TNFSF13B: variants seen among roughly 807,000 people sequenced by gnomAD.
The protein encoded by TNFSF13B is tumor necrosis factor ligand superfamily member 13B.
Under a neutral mutation model 29.1 loss-of-function variants are expected in TNFSF13B, and 8 were observed. The ratio of observed to expected loss-of-function variants is 0.27; its 90% confidence interval spans 0.16 to 0.50. The LOEUF is 0.50. Ranked by LOEUF, TNFSF13B falls within the 20% of genes least tolerant of loss-of-function variation. The pLI is 0.98. For missense variants in TNFSF13B, 248 were observed against 334.9 expected (o/e 0.74, Z 2.03); for synonymous variants, 125 against 130.8 (o/e 0.96, Z 0.30).
chr13:108,305,497 G>C (rs1289809326), intron 5 of TNFSF13B, among the ~76,000 whole-genome samples: 1 of 152,134 alleles, frequency 6.6e-6, no homozygotes, highest in African/African-American at 2.4e-5. Flanking sequence ...AATCCTTAGA[G>C]TTAATATTAC....
At chr13:108,273,027 C>T (rs887146422) in intron 2 of TNFSF13B, among the ~76,000 whole-genome samples, 1 of 151,994 alleles carries the variant, frequency 6.6e-6, no homozygotes, top group South Asian at 2.1e-4. Flanking sequence ...GAATCTTTCA[C>T]CAAATAATTT....
At chr13:108,274,364 CAAAT>C (rs1880704794) in intron 2 of TNFSF13B, among the ~76,000 whole-genome samples, 1 of 62,462 alleles carries the variant, frequency 1.6e-5, no homozygotes, top group African/African-American at 4.7e-5. Context: ...TATACACATA[CAAAT>C]ATATATATAT....
Position 108,295,510 on chromosome 13 carries a change from C to A in TNFSF13B, c.482-7743C>A, listed in dbSNP as rs1380264528. ...CCAGTCCTTTTTGTACTCTTTATTC[C>A]ATCTACCTTCTTTATTATTACCTTC... On this transcript the variant is annotated intron_variant, in intron 3 of 5. Transcript: ENST00000375887. 2.1e-5 allele frequency among the ~76,000 whole-genome samples: 3 copies of A among 144,824 alleles called. 1 individual carries two copies. The highest frequency in any genetic ancestry group is 4.6e-5 in the Non-Finnish European group (3 of 65,268).
intron 2 of TNFSF13B, among the ~76,000 whole-genome samples, chr13:108,272,920 A>C (rs1370737998): frequency 1.3e-5 from 2 of 152,100 alleles, no homozygotes; most frequent in Non-Finnish European, 2.9e-5. Context: ...TAGAGTAGGA[A>C]AGAAATAACT....
At chr13:108,279,066 GA>G (rs1566399786) in intron 2 of TNFSF13B, among the ~76,000 whole-genome samples, 2 of 151,926 alleles carry the variant, frequency 1.3e-5, no homozygotes, top group Non-Finnish European at 2.9e-5. Context: ...TTGTTTTATG[GA>G]ACCCCTTTTC....
At chr13:108,291,693 A>G (rs1490331573) in intron 3 of TNFSF13B, among the ~76,000 whole-genome samples, 1 of 152,024 alleles carries the variant, frequency 6.6e-6, no homozygotes, top group Non-Finnish European at 1.5e-5. Flanking sequence ...TTTCTCATGT[A>G]TGCAAAACAG....
At chr13:108,288,204 T>C (rs1461939740) in intron 3 of TNFSF13B, among the ~76,000 whole-genome samples, 1 of 152,210 alleles carries the variant, frequency 6.6e-6, no homozygotes, top group Non-Finnish European at 1.5e-5. Flanking sequence ...TGAACAAAAA[T>C]GTACTAAAAA....
intron 3 of TNFSF13B, among the ~76,000 whole-genome samples, chr13:108,292,738 C>G (rs1229535308): frequency 1.3e-5 from 2 of 151,974 alleles, no homozygotes; most frequent in Non-Finnish European, 2.9e-5. Context: ...AATGTCTATT[C>G]AAGTACCTTG....
At chr13:108,280,471 T>G (rs1880908202) in intron 2 of TNFSF13B, among the ~76,000 whole-genome samples, 1 of 152,298 alleles carries the variant, frequency 6.6e-6, no homozygotes, top group South Asian at 2.1e-4. Context: ...TTTTTCTATT[T>G]TTGGCTTTAT....
chr13:108,272,268 A>C (rs1880640706), intron 2 of TNFSF13B, among the ~76,000 whole-genome samples: 1 of 152,102 alleles, frequency 6.6e-6, no homozygotes, highest in African/African-American at 2.4e-5. Context: ...ATTTTGGATA[A>C]GCTCTTCCTA....
At chr13:108,275,457 C>A (rs373875068) in intron 2 of TNFSF13B, among the ~76,000 whole-genome samples, 2 of 151,928 alleles carry the variant, frequency 1.3e-5, no homozygotes, top group East Asian at 3.9e-4. Context: ...TTTTAGGATA[C>A]AGAAAGACAA....
intron 2 of TNFSF13B, among the ~76,000 whole-genome samples, chr13:108,282,205 C>G (rs1475204522): frequency 1.3e-5 from 2 of 152,184 alleles, no homozygotes; most frequent in Non-Finnish European, 2.9e-5. Flanking sequence ...TATGAAGAAT[C>G]TGTGGGTGCA....
rs1488700803 is a variant in TNFSF13B, at chr13:108,299,041, C to T, written c.482-4212C>T. Among the ~76,000 whole-genome samples, 2 of 146,004 alleles carry T rather than the reference C, an allele frequency of 1.4e-5. 1 individual carries two copies. The highest frequency in any genetic ancestry group is 5.1e-5 in the African/African-American group (2 of 38,864). On this transcript the variant is annotated intron_variant, in intron 3 of 5. Coordinates refer to ENST00000375887, the MANE Select transcript of TNFSF13B (RefSeq NM_006573.5). ...GCATTGAATCTACAGGAAGAACTGA[C>T]ATCTTGACAATATTGAGTCTTCCTA...
chr13:108,294,548 G>T (rs1368059639), intron 3 of TNFSF13B, among the ~76,000 whole-genome samples: 1 of 151,370 alleles, frequency 6.6e-6, no homozygotes, highest in Non-Finnish European at 1.5e-5. Flanking sequence ...CCTTGCATTT[G>T]GATTTTTTTT....
At position 108,279,199 on chromosome 13, in the gene TNFSF13B, G is replaced by A. The variant is rs141023128; in HGVS notation, c.425-7604G>A. ...TAAATTGTTTCATATATTATTCCAC[G>A]GATTTTTTTTTAAGTCTGCTGTAAA... On this transcript the variant is annotated intron_variant, in intron 2 of 5. Coordinates refer to ENST00000375887, the MANE Select transcript of TNFSF13B (RefSeq NM_006573.5). 5.8e-3 allele frequency among the ~76,000 whole-genome samples: 878 copies of A among 152,108 alleles called. 8 individuals carry two copies. Among genetic ancestry groups the A allele is most frequent in the African/African-American group, 0.019 (794 of 41,500 alleles).
intron 5 of TNFSF13B, among the ~76,000 whole-genome samples, chr13:108,306,590 T>G (rs1566410956): frequency 6.6e-6 from 1 of 152,002 alleles, no homozygotes; most frequent in Non-Finnish European, 1.5e-5. Context: ...GAAGTCCATT[T>G]TTTAATGAGT....
intron 2 of TNFSF13B, among the ~76,000 whole-genome samples, chr13:108,285,716 G>A (rs1020338769): frequency 1.3e-5 from 2 of 152,154 alleles, no homozygotes; most frequent in African/African-American, 4.8e-5. Flanking sequence ...ACTAGTCACA[G>A]TAGAAGTTCC....
At chr13:108,294,320 C>T (rs1881407273) in intron 3 of TNFSF13B, among the ~76,000 whole-genome samples, 1 of 151,970 alleles carries the variant, frequency 6.6e-6, no homozygotes, top group Non-Finnish European at 1.5e-5. Context: ...GCTGGGATTA[C>T]AGGCGCCTGC....
chr13:108,279,680 C>T (rs930598942), intron 2 of TNFSF13B, among the ~76,000 whole-genome samples: 1 of 152,110 alleles, frequency 6.6e-6, no homozygotes, highest in Non-Finnish European at 1.5e-5. Context: ...AAAGATAATT[C>T]AGGAGGAAAT....
Sources: allele counts gnomAD v4.1 joint callset (sites outside exome capture counted in the v4.1 genomes callset), GRCh38; gene constraint gnomAD v4.1.1; transcripts MANE v1.5; gene names NCBI Gene and HGNC (gene_info 2026-07-23, HGNC 2026-07-21).